Variants in DARS2 observed in about 807,000 individuals in gnomAD.
DARS2 encodes the protein aspartate--tRNA ligase, mitochondrial.
In DARS2, 63 loss-of-function variants were observed where a neutral mutation model predicts 83.0. That is an observed-to-expected ratio of 0.76 (90% CI 0.62 to 0.94). DARS2 has a LOEUF of 0.94. Ranked by LOEUF, DARS2 falls within the 40% of genes least tolerant of loss-of-function variation. DARS2 has a pLI of 0.00. For missense variants in DARS2, 675 were observed against 774.4 expected (o/e 0.87, Z 1.52); for synonymous variants, 250 against 269.3 (o/e 0.93, Z 0.70).
Position 173,843,159 on chromosome 1 carries a change from T to C in DARS2, c.1129-2070T>C, listed in dbSNP as rs144859796. Among the ~76,000 whole-genome samples the C allele has an allele frequency of 2.0e-3, 301 of 152,278 alleles. 1 individual carries two copies. Among genetic ancestry groups the C allele is most frequent in the Non-Finnish European group, 3.6e-3 (247 of 68,022 alleles). Reference sequence around the variant, plus strand: ...AATGCCACATTAATATAGTTAATGATATGTGGCATATGGGAGAAATAAGAT... The same window carrying C: ...AATGCCACATTAATATAGTTAATGACATGTGGCATATGGGAGAAATAAGAT... On this transcript the variant is annotated intron_variant, in intron 11 of 16. Coordinates refer to ENST00000649689, the MANE Select transcript of DARS2 (RefSeq NM_018122.5).
At chr1:173,852,841 T>A (rs887382221) in intron 13 of DARS2, among the ~76,000 whole-genome samples, 3 of 152,134 alleles carry the variant, frequency 2.0e-5, no homozygotes, top group Admixed American at 1.3e-4. Flanking sequence ...TTACCTATAG[T>A]GATAGCCAGC....
chr1:173,834,360 C>A, intron 6 of DARS2, 113 bp from the exon 7 acceptor site: 1 of 823,970 alleles, frequency 1.2e-6, no homozygotes. Context: ...CTTATTTCAG[C>A]TAAAATTCTT....
At chr1:173,837,287 A>G (rs77789414) in intron 8 of DARS2, among the ~76,000 whole-genome samples, 4 of 152,026 alleles carry the variant, frequency 2.6e-5, no homozygotes, top group Non-Finnish European at 5.9e-5. Flanking sequence ...AAAAAAAAAA[A>G]AGAATAGGTT....
intron 7 of DARS2, among the ~76,000 whole-genome samples, chr1:173,835,280 CG>C (rs1037913048): frequency 1.3e-4 from 19 of 151,004 alleles, no homozygotes; most frequent in African/African-American, 4.6e-4. Flanking sequence ...TTAGTAGAGA[CG>C]GGGTTTCGCA....
At chr1:173,841,602 C>G (rs1262884506) in intron 11 of DARS2, among the ~76,000 whole-genome samples, 1 of 151,692 alleles carries the variant, frequency 6.6e-6, no homozygotes, top group East Asian at 1.9e-4. Context: ...TGCTTAAGCT[C>G]AGGAGTTCGA....
chr1:173,828,047 A>T (rs1652649263), intron 2 of DARS2, among the ~76,000 whole-genome samples: 1 of 152,214 alleles, frequency 6.6e-6, no homozygotes, highest in Non-Finnish European at 1.5e-5. Flanking sequence ...TTTCATTAAT[A>T]AGCCATCTGT....
At chr1:173,842,122 C>G (rs1456209555) in intron 11 of DARS2, among the ~76,000 whole-genome samples, 1 of 151,986 alleles carries the variant, frequency 6.6e-6, no homozygotes, top group Non-Finnish European at 1.5e-5. Context: ...GTACACGTCT[C>G]TTTTCTGTAG....
chr1:173,824,883 CGCCTCT>C lies in DARS2; in HGVS notation c.-345_-340del. ...AGGAGAAGGGCGTATACCTTGTGAC[CGCCTCT>C]GGTTGTCTTGGGCTCGCGCCTGGCG... On this transcript the variant is annotated 5_prime_UTR_variant, in exon 1 of 17. Coordinates refer to ENST00000649689, the MANE Select transcript of DARS2 (RefSeq NM_018122.5). The C allele has an allele frequency of 2.9e-6, 1 of 345,918 alleles. No homozygotes were observed. Among genetic ancestry groups the C allele is most frequent in the Non-Finnish European group, 5.7e-6 (1 of 176,162 alleles). 21.4% of individuals were successfully genotyped at this position (345,918 alleles called of 1,614,324 possible). A position where few individuals can be genotyped will look rare whatever the true frequency, so the allele number is the denominator to read the frequency against.
intron 11 of DARS2, among the ~76,000 whole-genome samples, chr1:173,841,837 C>T (rs1653223481): frequency 6.6e-6 from 1 of 152,146 alleles, no homozygotes; most frequent in Non-Finnish European, 1.5e-5. Context: ...ATGAAGTACT[C>T]CTGTACTTCA....
intron 11 of DARS2, among the ~76,000 whole-genome samples, chr1:173,844,559 A>G (rs1383571239): frequency 6.6e-6 from 1 of 151,096 alleles, no homozygotes; most frequent in Non-Finnish European, 1.5e-5. Context: ...AATCCCAGCT[A>G]CTTGGGAGGC....
At chr1:173,848,543 A>G (rs542038160) in intron 12 of DARS2, among the ~76,000 whole-genome samples, 1 of 152,356 alleles carries the variant, frequency 6.6e-6, no homozygotes, top group Admixed American at 6.5e-5. Flanking sequence ...TTAAATGTAA[A>G]TAGCAACAGT....
At chr1:173,855,392 G>A (rs1003255124) in intron 15 of DARS2, among the ~76,000 whole-genome samples, 6 of 151,812 alleles carry the variant, frequency 4.0e-5, no homozygotes, top group East Asian at 2.0e-4. Flanking sequence ...GTGAGCCACC[G>A]CACCCAGCCG....
chr1:173,843,287 G>A (rs533734965), intron 11 of DARS2, among the ~76,000 whole-genome samples: 5 of 152,270 alleles, frequency 3.3e-5, no homozygotes, highest in African/African-American at 7.2e-5. Context: ...AGGGCCAAGC[G>A]TGGTGGCTCA....
intron 1 of DARS2, among the ~76,000 whole-genome samples, chr1:173,825,903 C>T (rs1243970804): frequency 6.6e-6 from 1 of 151,270 alleles, no homozygotes. Flanking sequence ...ATATAGAATA[C>T]TCTGCTTTTG....
chr1:173,851,803 C>T (rs1653679638), intron 13 of DARS2: 2 of 982,860 alleles, frequency 2.0e-6, no homozygotes, highest in Non-Finnish European at 1.2e-6. Flanking sequence ...TTCTTCTAAT[C>T]TATATTTTCA....
At chr1:173,829,102 A>C (rs1487279917) in intron 3 of DARS2, among the ~76,000 whole-genome samples, 21 of 152,172 alleles carry the variant, frequency 1.4e-4, no homozygotes, top group Admixed American at 1.4e-3. Context: ...TAAGTGAAGA[A>C]CCCTGTATTC....
At position 173,825,211 on chromosome 1, in the gene DARS2, G is replaced by T. The variant is rs374145188; in HGVS notation, c.-19G>T. ...GCGTGGGATTTCGTGATTGTTTTTC[G>T]CCATCGTGTGGCTCCAACATGTACT... On this transcript the variant is annotated 5_prime_UTR_variant, in exon 1 of 17. Transcript: ENST00000649689. 243 of 1,608,492 alleles carry T rather than the reference G, an allele frequency of 1.5e-4. 1 individual carries two copies. The highest frequency in any genetic ancestry group is 6.7e-4 in the Admixed American group (40 of 59,804).
chr1:173,839,552 T>G lies in DARS2; in HGVS notation c.1020+6T>G, dbSNP rs770298605. On this transcript the variant is annotated splice_donor_region_variant and intron_variant, in intron 10 of 16. Coordinates refer to ENST00000649689, the MANE Select transcript of DARS2 (RefSeq NM_018122.5). ...ACACTCGCTTTGGAATGAAGGTACTTATCTTCACTTTTCTAGGACTCTGTC... is the reference window on the plus strand; with the variant it reads ...ACACTCGCTTTGGAATGAAGGTACTGATCTTCACTTTTCTAGGACTCTGTC... The G allele has an allele frequency of 6.2e-6, 10 of 1,613,746 alleles. 1 individual carries two copies. The highest frequency in any genetic ancestry group is 5.9e-6 in the Non-Finnish European group (7 of 1,179,596).
rs778710547 is a variant in DARS2 at position 173,838,193 on chromosome 1, T to C, written c.774T>C (p.Tyr258=). The change falls in exon 9 of 17, where the codon TAT becomes TAC. Residue 258 remains tyrosine (Y), a synonymous_variant. Transcript: ENST00000649689. ...QLLMVGGLDR[Y]FQVARCYRDE... ...TAATGCTATTTCTCAATTGTAGATA[T>C]TTTCAGGTTGCCCGATGTTATCGAG... 6.2e-7 allele frequency: 1 copy of C among 1,612,312 alleles called. No homozygotes were observed. Among genetic ancestry groups the C allele is most frequent in the South Asian group, 1.1e-5 (1 of 91,044 alleles).
Sources: gnomAD v4.1 joint callset for allele counts (sites outside exome capture counted in the v4.1 genomes callset) on GRCh38, gnomAD v4.1.1 for gene constraint, MANE v1.5 for transcripts, NCBI Gene and HGNC (gene_info 2026-07-23, HGNC 2026-07-21) for gene names.